The following HSD3B1 variants were observed in gnomAD, a reference collection of about 807,000 sequenced individuals.
HSD3B1 encodes hydroxy-delta-5-steroid dehydrogenase, 3 beta- and steroid delta-isomerase 1.
A neutral mutation model predicts 10.4 loss-of-function variants in HSD3B1; 11 were observed. The ratio of observed to expected loss-of-function variants is 1.05; its 90% CI spans 0.66 to 1.75. The LOEUF is 1.75. Ranked by LOEUF, HSD3B1 falls within the 40% of genes most tolerant of loss-of-function variation. The pLI is 0.00. For synonymous variants in HSD3B1, 217 were observed against 185.4 expected, an observed-to-expected ratio of 1.17 and a Z score of -1.39; for missense variants, 490 against 454.5, an observed-to-expected ratio of 1.08 and a Z score of -0.71.
At chr1:119,513,171 C>A (rs1419550258) in intron 3 of HSD3B1, among the ~76,000 whole-genome samples, 1 of 152,130 alleles carries the variant, frequency 6.6e-6, no homozygotes, top group East Asian at 1.9e-4. Flanking sequence ...GAGTCACAGC[C>A]AGAATTGGAA....
In HSD3B1 at chr1:119,514,461, C is replaced by A. The variant is rs769334806; in HGVS notation, c.938C>A (p.Pro313Gln). The A allele has an allele frequency of 6.2e-7, 1 of 1,614,048 alleles. No individual in the cohort carries two copies. Among genetic ancestry groups the A allele is most frequent in the Admixed American group, 1.7e-5 (1 of 60,008 alleles). ...FLLRPIYTYRPPFNRHIVTLS... is the reference protein window; with the variant it reads ...FLLRPIYTYRQPFNRHIVTLS... ...CTCAGGCCAATTTACACCTATCGAC[C>A]GCCCTTCAACCGCCACATAGTCACA... Residue 313 changes from proline to glutamine, a missense_variant, in exon 4 of 4, where the codon CCG (proline) becomes CAG (glutamine). Transcript: ENST00000369413.
In HSD3B1 at chr1:119,514,055, G is replaced by A. The variant is rs145376537; in HGVS notation, c.532G>A (p.Gly178Ser). 1.2e-4 allele frequency: 186 copies of A among 1,613,918 alleles called. No homozygotes were observed. Among genetic ancestry groups the A allele is most frequent in the East Asian group, 1.8e-4 (8 of 44,868 alleles). Reference protein sequence around the residue: ...AANGWNLKNGGTLYTCALRPM... With the variant: ...AANGWNLKNGSTLYTCALRPM... The stretch of plus-strand genomic sequence containing the variant: ...TAACGGGTGGAATCTGAAAAACGGC[G>A]GCACCCTGTACACTTGTGCCTTACG... The change falls in exon 4 of 4, where the codon GGC (glycine) becomes AGC (serine). Residue 178 changes from glycine to serine, a missense_variant. Physicochemically the swap from Gly to Ser is moderately conservative, Grantham distance 56. Transcript: ENST00000369413.
rs1653895076 is a variant in HSD3B1, at chr1:119,510,259, A to G, written c.146-1244A>G. Among the ~76,000 whole-genome samples, 4 of 152,202 alleles carry G rather than the reference A, an allele frequency of 2.6e-5. No individual in the cohort carries two copies. In the South Asian group the frequency reaches 8.3e-4, roughly 32 times the overall value. ...TTGTAACCACTGCCTCCAGCTAGAC[A>G]GCTGCGATGTTAGTTCATTGGTGGT... is the stretch of plus-strand genomic sequence containing the variant. On this transcript the variant is annotated intron_variant, in intron 2 of 3. Transcript: ENST00000369413.
Position 119,513,938 on chromosome 1 carries a change from C to A in HSD3B1, c.415C>A (p.Gln139Lys), listed in dbSNP as rs1480731952. 1 of 1,613,948 alleles carries A rather than the reference C, an allele frequency of 6.2e-7. No homozygotes were observed. Among genetic ancestry groups the A allele is most frequent in the African/African-American group, 1.3e-5 (1 of 74,884 alleles). Residue 139 changes from glutamine (Q) to lysine (K), a missense_variant, in exon 4 of 4, where the codon CAG (glutamine) becomes AAG (lysine). Coordinates refer to ENST00000369413, the MANE Select transcript of HSD3B1 (RefSeq NM_000862.3). ...AGPNSYKEII[Q>K]NGHEEEPLEN... ...GCCCAACTCCTACAAGGAAATCATCCAGAATGGCCATGAAGAAGAGCCTCT... is the reference window on the plus strand; with the variant it reads ...GCCCAACTCCTACAAGGAAATCATCAAGAATGGCCATGAAGAAGAGCCTCT...
At chr1:119,507,742 TC>T in intron 2 of HSD3B1, 121 bp downstream of exon 2, 1 of 949,106 alleles carries the variant, frequency 1.1e-6, no homozygotes, top group Non-Finnish European at 1.7e-6. Context: ...CAATCTCACA[TC>T]CAAAGTCATC....
chr1:119,513,547 C>T (rs1653995672), intron 3 of HSD3B1, among the ~76,000 whole-genome samples: 1 of 151,854 alleles, frequency 6.6e-6, no homozygotes, highest in Non-Finnish European at 1.5e-5. Flanking sequence ...AAGTGATAAC[C>T]CTAGGTCCCT....
chr1:119,514,705 C>A lies in HSD3B1; in HGVS notation c.*60C>A, dbSNP rs1654059787. ...TTAGGAGATGTCATCAAGCTCCACC[C>A]TCCTGGCCTCATACAGAAAGTGACA... On this transcript the variant is annotated 3_prime_UTR_variant, in exon 4 of 4. Coordinates refer to ENST00000369413, the MANE Select transcript of HSD3B1 (RefSeq NM_000862.3). 3 of 1,565,866 alleles carry A rather than the reference C, an allele frequency of 1.9e-6. No homozygotes were observed. In the East Asian group the frequency reaches 6.9e-5, roughly 36 times the overall value.
intron 3 of HSD3B1, among the ~76,000 whole-genome samples, chr1:119,513,184 A>G (rs1462536504): frequency 6.6e-6 from 1 of 152,212 alleles, no homozygotes; most frequent in Non-Finnish European, 1.5e-5. Flanking sequence ...AATTGGAAGC[A>G]GCTTTCCCAG....
At position 119,513,286 on chromosome 1, in the gene HSD3B1, T is replaced by C. The variant is rs191980361; in HGVS notation, c.311-548T>C. Reference sequence around the variant, plus strand: ...CTCCAGGATGGTCCTTGTGACAAAGTTTTATTAGAGCCCAGCAAAATGAGA... The same window carrying C: ...CTCCAGGATGGTCCTTGTGACAAAGCTTTATTAGAGCCCAGCAAAATGAGA... On this transcript the variant is annotated intron_variant, in intron 3 of 3. Coordinates refer to ENST00000369413, the MANE Select transcript of HSD3B1 (RefSeq NM_000862.3). 4.6e-3 allele frequency among the ~76,000 whole-genome samples: 695 copies of C among 152,158 alleles called. 7 individuals carry two copies. Among genetic ancestry groups the C allele is most frequent in the African/African-American group, 0.016 (673 of 41,502 alleles).
rs371314888 is a variant in HSD3B1, at chr1:119,507,558, G to C, written c.82G>C (p.Glu28Gln). The C allele has an allele frequency of 1.1e-5, 17 of 1,613,950 alleles. No homozygotes were observed. The highest frequency in any genetic ancestry group is 1.4e-5 in the Non-Finnish European group (16 of 1,179,978). The change falls in exon 2 of 4, where the codon GAG (glutamate) becomes CAG (glutamine). Residue 28 changes from glutamate (E) to glutamine (Q), a missense_variant. Transcript: ENST00000369413. ...CATCCGCCTCTTGGTGAAGGAGAAG[G>C]AGCTGAAGGAGATCAGGGTCTTGGA... ...RIIRLLVKEK[E>Q]LKEIRVLDKA...
intron 2 of HSD3B1, among the ~76,000 whole-genome samples, chr1:119,509,206 G>A (rs1168134165): frequency 6.6e-6 from 1 of 152,128 alleles, no homozygotes; most frequent in Non-Finnish European, 1.5e-5. Context: ...ACTTTTTGAA[G>A]GTCCCACAGT....
Position 119,513,815 on chromosome 1 carries a change from A to G in HSD3B1, c.311-19A>G. On this transcript the variant is annotated intron_variant, in intron 3 of 3. Transcript: ENST00000369413. ...TTAGGGATATATCCTGACAGTGACAATATGCTCTTCATGGACAGGTACCCA... is the reference window on the plus strand; with the variant it reads ...TTAGGGATATATCCTGACAGTGACAGTATGCTCTTCATGGACAGGTACCCA... The G allele has an allele frequency of 1.2e-6, 2 of 1,611,932 alleles. No individual in the cohort carries two copies. The highest frequency in any genetic ancestry group is 1.7e-6 in the Non-Finnish European group (2 of 1,178,708).
chr1:119,512,866 T>C (rs1246437043), intron 3 of HSD3B1, among the ~76,000 whole-genome samples: 1 of 152,192 alleles, frequency 6.6e-6, no homozygotes, highest in African/African-American at 2.4e-5. Context: ...GAGGCTGTCT[T>C]TCCAGAAACT....
rs756914144 is a variant in HSD3B1, at chr1:119,507,511, G to A, written c.35G>A (p.Gly12Glu). The A allele has an allele frequency of 6.2e-7, 1 of 1,614,026 alleles. No individual in the cohort carries two copies. The highest frequency in any genetic ancestry group is 1.1e-5 in the South Asian group (1 of 91,076). ...TGGAGCTGCCTTGTGACAGGAGCAGGAGGGTTTCTGGGACAGAGGATCATC... is the reference window on the plus strand; with the variant it reads ...TGGAGCTGCCTTGTGACAGGAGCAGAAGGGTTTCTGGGACAGAGGATCATC... ...TGWSCLVTGAGGFLGQRIIRL... is the reference protein window; with the variant it reads ...TGWSCLVTGAEGFLGQRIIRL... The change falls in exon 2 of 4, where the codon GGA becomes GAA. Residue 12 changes from glycine to glutamate, a missense_variant. Gly to Glu is a moderately conservative substitution (Grantham distance 98). Coordinates refer to ENST00000369413, the MANE Select transcript of HSD3B1 (RefSeq NM_000862.3).
rs1455429395 is a variant in HSD3B1, at chr1:119,513,915, C to A, written c.392C>A (p.Pro131His). Residue 131 changes from proline (P) to histidine (H), a missense_variant, in exon 4 of 4, where the codon CCC (proline) becomes CAC (histidine). Pro to His is a moderately conservative substitution (Grantham distance 77). Coordinates refer to ENST00000369413, the MANE Select transcript of HSD3B1 (RefSeq NM_000862.3). ...ACCAGTAGCATAGAGGTAGCCGGGC[C>A]CAACTCCTACAAGGAAATCATCCAG... Reference protein sequence around the residue: ...IYTSSIEVAGPNSYKEIIQNG... With the variant: ...IYTSSIEVAGHNSYKEIIQNG... The A allele has an allele frequency of 6.2e-7, 1 of 1,613,828 alleles. No homozygotes were observed. The highest frequency in any genetic ancestry group is 8.5e-7 in the Non-Finnish European group (1 of 1,179,992).
chr1:119,514,393 G>A lies in HSD3B1; in HGVS notation c.870G>A (p.Leu290=), dbSNP rs1240428524. 3.1e-6 allele frequency: 5 copies of A among 1,614,010 alleles called. No homozygotes were observed. In the East Asian group the frequency reaches 1.1e-4, roughly 36 times the overall value. ...CCAGATGGAGCTTTCCTTTATCCCT[G>A]ATGTATTGGATTGGCTTCCTGCTGG... ...LDSRWSFPLS[L]MYWIGFLLEI... Residue 290 remains leucine (L), a synonymous_variant, in exon 4 of 4, where the codon CTG becomes CTA. Coordinates refer to ENST00000369413, the MANE Select transcript of HSD3B1 (RefSeq NM_000862.3).
Position 119,514,046 on chromosome 1 carries a change from A to T in HSD3B1, c.523A>T (p.Lys175Ter), listed in dbSNP as rs1654024860. Residue 175 changes from lysine to a stop codon, truncating the protein, a stop_gained, in exon 4 of 4, where the codon AAA becomes TAA. Coordinates refer to ENST00000369413, the MANE Select transcript of HSD3B1 (RefSeq NM_000862.3). LOFTEE classifies it low-confidence loss of function (END_TRUNC). ...ACTGGCGGCTAACGGGTGGAATCTGAAAAACGGCGGCACCCTGTACACTTG... is the reference window on the plus strand; with the variant it reads ...ACTGGCGGCTAACGGGTGGAATCTGTAAAACGGCGGCACCCTGTACACTTG... ...AVLAANGWNL[K>*]NGGTLYTCAL... is the part of the protein sequence containing the mutation. 6.2e-7 allele frequency: 1 copy of T among 1,613,994 alleles called. No homozygotes were observed. Among genetic ancestry groups the T allele is most frequent in the Non-Finnish European group, 8.5e-7 (1 of 1,179,996 alleles).
chr1:119,511,507 C>G lies in HSD3B1; in HGVS notation c.150C>G (p.Leu50=), dbSNP rs746197331. The G allele has an allele frequency of 5.0e-6, 8 of 1,613,644 alleles. No homozygotes were observed. The East Asian group carries it at 1.8e-4, about 36-fold the overall frequency. The part of the protein sequence containing the change: ...GPELREEFSK[L]QNKTKLTVLE... ...ACCTGACCTGTGTTCACACAGAACT[C>G]CAGAACAAGACCAAGCTGACAGTGC... The change falls in exon 3 of 4, where the codon CTC becomes CTG. Residue 50 remains leucine (L), a synonymous_variant. Coordinates refer to ENST00000369413, the MANE Select transcript of HSD3B1 (RefSeq NM_000862.3).
Position 119,511,603 on chromosome 1 carries a change from C to T in HSD3B1, c.246C>T (p.Thr82=), listed in dbSNP as rs146559248. The T allele has an allele frequency of 4.8e-4, 779 of 1,613,454 alleles. No homozygotes were observed. Among genetic ancestry groups the T allele is most frequent in the Non-Finnish European group, 5.8e-4 (688 of 1,179,644 alleles). ...AGGACGTCTCGGTCATCATCCACACCGCCTGTATCATTGATGTCTTCGGTG... is the reference window on the plus strand; with the variant it reads ...AGGACGTCTCGGTCATCATCCACACTGCCTGTATCATTGATGTCTTCGGTG... ...ACQDVSVIIH[T]ACIIDVFGVT... is the part of the protein sequence containing the mutation. The change falls in exon 3 of 4, where the codon ACC becomes ACT. Residue 82 remains threonine, a synonymous_variant. Coordinates refer to ENST00000369413, the MANE Select transcript of HSD3B1 (RefSeq NM_000862.3).
Sources: allele counts gnomAD v4.1 joint callset (sites outside exome capture counted in the v4.1 genomes callset), GRCh38; gene constraint gnomAD v4.1.1; transcripts MANE v1.5; gene names NCBI Gene and HGNC (gene_info 2026-07-23, HGNC 2026-07-21).